SNX29: variants seen among roughly 807,000 people sequenced by gnomAD.
SNX29 encodes sorting nexin-29.
A neutral mutation model predicts 102.1 loss-of-function variants in SNX29; 78 were observed. That is an observed-to-expected ratio of 0.76 (90% CI 0.64 to 0.92). The LOEUF is 0.92. SNX29 is among the 40% of genes least tolerant of loss of function. SNX29 has a pLI of 0.00. For missense variants in SNX29, 1,280 were observed against 1,061.7 expected, an observed-to-expected ratio of 1.21 and a Z score of -2.86; for synonymous variants, 580 against 414.5, an observed-to-expected ratio of 1.40 and a Z score of -4.85.
At chr16:12,347,579 G>A (rs1470512904) in intron 15 of SNX29, among the ~76,000 whole-genome samples, 1 of 152,048 alleles carries the variant, frequency 6.6e-6, no homozygotes, top group Non-Finnish European at 1.5e-5. Context: ...TAAAATGGGG[G>A]TAAATATACA....
intron 14 of SNX29, among the ~76,000 whole-genome samples, chr16:12,209,088 A>G (rs1011896127): frequency 1.3e-5 from 2 of 152,178 alleles, no homozygotes; most frequent in African/African-American, 4.8e-5. Context: ...ATCTCGGTTT[A>G]CTAATGGGAA....
chr16:12,541,605 C>G (rs1037426113), intron 20 of SNX29, among the ~76,000 whole-genome samples: 5 of 152,326 alleles, frequency 3.3e-5, no homozygotes, highest in South Asian at 2.1e-4. Context: ...AGGTCACACT[C>G]TGGGCCACAT....
intron 16 of SNX29, among the ~76,000 whole-genome samples, chr16:12,390,398 C>T (rs1410573588): frequency 6.6e-6 from 1 of 152,122 alleles, no homozygotes; most frequent in African/African-American, 2.4e-5. Flanking sequence ...CCCTGTCCTC[C>T]GTGGACTTTT....
chr16:12,524,044 G>A (rs965172586), intron 19 of SNX29, among the ~76,000 whole-genome samples: 5 of 152,148 alleles, frequency 3.3e-5, no homozygotes, highest in Admixed American at 2.0e-4. Flanking sequence ...CACTACGCCT[G>A]GCTAATTTTG....
At chr16:12,500,158 AT>A (rs5815690) in intron 19 of SNX29, among the ~76,000 whole-genome samples, 1 of 151,384 alleles carries the variant, frequency 6.6e-6, no homozygotes, top group Admixed American at 6.6e-5. Context: ...CACCTAGCTA[AT>A]TTTTTTTCTG....
intron 19 of SNX29, among the ~76,000 whole-genome samples, chr16:12,487,560 C>G (rs1007035551): frequency 6.6e-6 from 1 of 152,180 alleles, no homozygotes; most frequent in African/African-American, 2.4e-5. Context: ...CCGCACCACC[C>G]AGCCCTCCGT....
At chr16:12,088,256 G>T (rs936691496) in intron 11 of SNX29, 7 of 389,364 alleles carry the variant, frequency 1.8e-5, no homozygotes, top group Non-Finnish European at 3.6e-5. Context: ...GCTGCAGCGG[G>T]ACCGGCTCTG....
chr16:12,272,441 C>T, intron 14 of SNX29, among the ~76,000 whole-genome samples: 1 of 152,230 alleles, frequency 6.6e-6, no homozygotes, highest in East Asian at 1.9e-4. Context: ...TGTATTAGCA[C>T]CAGGCTCTGC....
At chr16:12,209,515 C>T (rs558700824) in intron 14 of SNX29, among the ~76,000 whole-genome samples, 3 of 152,218 alleles carry the variant, frequency 2.0e-5, no homozygotes, top group South Asian at 2.1e-4. Context: ...TTTGAGTGAC[C>T]ACCTGCTGTC....
At chr16:12,366,033 C>G (rs1348983162) in intron 16 of SNX29, among the ~76,000 whole-genome samples, 1 of 96,344 alleles carries the variant, frequency 1.0e-5, no homozygotes, top group African/African-American at 4.4e-5. Context: ...CAGAGTGAGA[C>G]TCTTGTCTCA....
At chr16:12,165,536 C>T (rs377667489) in intron 13 of SNX29, among the ~76,000 whole-genome samples, 1 of 152,156 alleles carries the variant, frequency 6.6e-6, no homozygotes, top group African/African-American at 2.4e-5. Context: ...TTTTACCATT[C>T]AAATATTAAA....
intron 15 of SNX29, among the ~76,000 whole-genome samples, chr16:12,348,828 C>T (rs1450308030): frequency 3.9e-5 from 6 of 152,192 alleles, no homozygotes; most frequent in South Asian, 2.1e-4. Flanking sequence ...AAATTAGGGA[C>T]GGTAACACCA....
rs1302070479 is a variant in SNX29, at chr16:12,451,118, G to T, written c.2038-26601G>T. On this transcript the variant is annotated intron_variant, in intron 18 of 20. Coordinates refer to ENST00000566228, the MANE Select transcript of SNX29 (RefSeq NM_032167.5). ...GTCCTTGAACAGAAGAGCCGCAGAG[G>T]TACTTACTGCTATTTTTATTGATTC... 3.3e-5 allele frequency among the ~76,000 whole-genome samples: 5 copies of T among 152,174 alleles called. 1 individual carries two copies. The highest frequency in any genetic ancestry group is 2.1e-4 in the South Asian group (1 of 4,832).
intron 11 of SNX29, chr16:12,089,999 T>C: frequency 5.3e-6 from 1 of 190,124 alleles, no homozygotes; most frequent in Non-Finnish European, 1.1e-5. Context: ...CACCCGTGAG[T>C]CATAGAGCTG....
At chr16:12,310,709 G>T (rs1402798042) in intron 15 of SNX29, among the ~76,000 whole-genome samples, 1 of 152,096 alleles carries the variant, frequency 6.6e-6, no homozygotes, top group Non-Finnish European at 1.5e-5. Context: ...TGTGATGGGG[G>T]TTTCACAAAC....
intron 13 of SNX29, among the ~76,000 whole-genome samples, chr16:12,151,369 G>A (rs1195430066): frequency 2.0e-5 from 3 of 152,272 alleles, no homozygotes; most frequent in Non-Finnish European, 4.4e-5. Flanking sequence ...CTTGATGGTC[G>A]TTTACAGTGG....
rs953044402 is a variant in SNX29 at position 12,543,087 on chromosome 16, C to G, written c.2318+18246C>G. Among the ~76,000 whole-genome samples, 12 of 152,170 alleles carry G rather than the reference C, an allele frequency of 7.9e-5. 1 individual carries two copies. Among genetic ancestry groups the G allele is most frequent in the South Asian group, 4.2e-4 (2 of 4,818 alleles). On this transcript the variant is annotated intron_variant, in intron 20 of 20. Coordinates refer to ENST00000566228, the MANE Select transcript of SNX29 (RefSeq NM_032167.5). ...GGTTTCACCCTCAAGCATGTTCTGT[C>G]TGGTGGAAAGATGGATCCTGGCAGC...
At chr16:12,021,583 A>G (rs903496887) in intron 3 of SNX29, among the ~76,000 whole-genome samples, 2 of 152,168 alleles carry the variant, frequency 1.3e-5, no homozygotes, top group African/African-American at 4.8e-5. Context: ...TGTGCAGATT[A>G]AGCAGTCTTG....
At chr16:12,013,989 G>A (rs563308090) in intron 3 of SNX29, among the ~76,000 whole-genome samples, 2 of 151,912 alleles carry the variant, frequency 1.3e-5, no homozygotes, top group Non-Finnish European at 2.9e-5. Context: ...TTAAAGACGG[G>A]TCTTGTTATA....
Sources: gnomAD v4.1 joint callset for allele counts (sites outside exome capture counted in the v4.1 genomes callset) on GRCh38, gnomAD v4.1.1 for gene constraint, MANE v1.5 for transcripts, NCBI Gene and HGNC (gene_info 2026-07-23, HGNC 2026-07-21) for gene names.